The following NR1I2 variants were observed in gnomAD, a reference collection of about 807,000 sequenced individuals.
NR1I2 encodes orphan nuclear receptor PAR1.
In NR1I2, 42 loss-of-function variants were observed where a neutral mutation model predicts 43.3. That is an observed-to-expected ratio of 0.97 (90% CI 0.76 to 1.26). The LOEUF is 1.26. NR1I2 is among the 50% of genes most tolerant of loss of function. NR1I2 has a pLI of 0.00. For missense variants in NR1I2, 559 were observed against 566.7 expected (o/e 0.99, Z 0.14); for synonymous variants, 229 against 215.0 (o/e 1.06, Z -0.57).
intron 1 of NR1I2, among the ~76,000 whole-genome samples, chr3:119,799,907 G>A (rs1057462608): frequency 1.3e-5 from 2 of 152,122 alleles, no homozygotes; most frequent in Non-Finnish European, 2.9e-5. Context: ...TTGAACCTGG[G>A]AGGCAGAGGT....
chr3:119,798,634 C>A (rs72554017), intron 1 of NR1I2, among the ~76,000 whole-genome samples: 10,435 of 107,900 alleles, frequency 0.097, 869 homozygotes, highest in African/African-American at 0.25. Flanking sequence ...AGAGAGACTC[C>A]GTCTCAAAAA....
At chr3:119,815,691 C>T in intron 7 of NR1I2, 35 bp from the exon 8 acceptor site, 2 of 1,553,154 alleles carry the variant, frequency 1.3e-6, no homozygotes, top group South Asian at 1.1e-5. Context: ...TTGTCTTTGC[C>T]CCATGATCTT....
chr3:119,785,010 C>A (rs1317474757), intron 1 of NR1I2, among the ~76,000 whole-genome samples: 4 of 152,188 alleles, frequency 2.6e-5, no homozygotes, highest in Non-Finnish European at 5.9e-5. Flanking sequence ...ACAAACATAT[C>A]ATCTATATAT....
At chr3:119,800,708 T>C (rs1315371357) in intron 1 of NR1I2, among the ~76,000 whole-genome samples, 1 of 152,064 alleles carries the variant, frequency 6.6e-6, no homozygotes, top group Non-Finnish European at 1.5e-5. Flanking sequence ...GTGGTCAGAG[T>C]GGCAGTAAGG....
At chr3:119,803,455 T>A (rs569015132) in intron 1 of NR1I2, among the ~76,000 whole-genome samples, 2 of 152,052 alleles carry the variant, frequency 1.3e-5, no homozygotes, top group Admixed American at 6.5e-5. Context: ...GTGCCATAGA[T>A]GACAGGAAGC....
At chr3:119,795,147 G>A (rs2054979949) in intron 1 of NR1I2, among the ~76,000 whole-genome samples, 3 of 152,152 alleles carry the variant, frequency 2.0e-5, no homozygotes. Context: ...AGGCCAGTAA[G>A]GGAGCTGGGC....
chr3:119,797,169 A>G (rs989959320), intron 1 of NR1I2, among the ~76,000 whole-genome samples: 1 of 134,684 alleles, frequency 7.4e-6, no homozygotes, highest in African/African-American at 2.8e-5. Flanking sequence ...TAGCAAATGA[A>G]GTAACTGCAC....
At chr3:119,790,793 T>C (rs1272445330) in intron 1 of NR1I2, among the ~76,000 whole-genome samples, 1 of 152,224 alleles carries the variant, frequency 6.6e-6, no homozygotes, top group East Asian at 1.9e-4. Flanking sequence ...CATGTTTAAG[T>C]GTTCACATAA....
At chr3:119,791,769 G>A in intron 1 of NR1I2, 1 of 424,708 alleles carries the variant, frequency 2.4e-6, no homozygotes, top group Non-Finnish European at 4.5e-6. Context: ...ACAAAAATTA[G>A]ATGTGGAGTT....
At chr3:119,789,334 A>G (rs1343165822) in intron 1 of NR1I2, among the ~76,000 whole-genome samples, 1 of 50,728 alleles carries the variant, frequency 2.0e-5, no homozygotes, top group East Asian at 3.3e-4. Flanking sequence ...AATTACAAAG[A>G]AAAAAAGGTT....
chr3:119,799,692 A>G (rs2055050298), intron 1 of NR1I2, among the ~76,000 whole-genome samples: 1 of 152,236 alleles, frequency 6.6e-6, no homozygotes, highest in African/African-American at 2.4e-5. Context: ...TTTATAAGGA[A>G]AACTAGGCTG....
At position 119,815,755 on chromosome 3, in the gene NR1I2, G is replaced by A. The variant is rs1340484968; in HGVS notation, c.1084G>A (p.Val362Met). ...CCCAGGTGTGCTGCAGCACCGCGTG[G>A]TGGACCAGCTGCAGGAGCAATTCGC... The change falls in exon 8 of 9, where the codon GTG becomes ATG. Residue 362 changes from valine (V) to methionine (M), a missense_variant. Coordinates refer to ENST00000393716, the MANE Select transcript of NR1I2 (RefSeq NM_003889.4). 1.2e-6 allele frequency: 2 copies of A among 1,613,784 alleles called. No individual in the cohort carries two copies. The highest frequency in any genetic ancestry group is 1.7e-6 in the Non-Finnish European group (2 of 1,179,866).
chr3:119,806,086 T>C (rs908553673), intron 1 of NR1I2, among the ~76,000 whole-genome samples: 3 of 152,218 alleles, frequency 2.0e-5, no homozygotes, highest in Admixed American at 6.5e-5. Context: ...AAGTTTCGAT[T>C]TTGGCATTAG....
At position 119,815,250 on chromosome 3, in the gene NR1I2, A is replaced by G. The variant is rs142129698; in HGVS notation, c.938-73A>G. The G allele has an allele frequency of 5.8e-4, 903 of 1,569,280 alleles. 1 individual carries two copies. In the African/African-American group the frequency reaches 8.4e-3, roughly 15 times the overall value. On this transcript the variant is annotated intron_variant, in intron 6 of 8. Transcript: ENST00000393716. ...GGAAGATGGAATGGTGGAAAACAAG[A>G]TATTGGTGAGGGATGATTAGATCTT...
intron 1 of NR1I2, among the ~76,000 whole-genome samples, chr3:119,797,471 G>A (rs1327263102): frequency 2.6e-5 from 4 of 151,888 alleles, no homozygotes; most frequent in Non-Finnish European, 4.4e-5. Flanking sequence ...TTCAGCTATC[G>A]GACTCTTACT....
chr3:119,807,211 T>C lies in NR1I2; in HGVS notation c.-22-18T>C, dbSNP rs12721601. 777 of 1,606,648 alleles carry C rather than the reference T, an allele frequency of 4.8e-4. 5 individuals are homozygous for C. In the African/African-American group the frequency reaches 8.7e-3, roughly 18 times the overall value. On this transcript the variant is annotated intron_variant, in intron 1 of 8. Transcript: ENST00000393716. ...CCCTGTCCAGTCTTTTCATTCTCTG[T>C]GGTTTTCTCATTTCTAGTCCAAGAG...
chr3:119,811,777 A>C, intron 4 of NR1I2, 51 bp downstream of exon 4: 13 of 1,514,564 alleles, frequency 8.6e-6, no homozygotes, highest in Non-Finnish European at 1.2e-5. Context: ...CTTCATTCTC[A>C]CATAGAAACT....
Position 119,814,973 on chromosome 3 carries a change from T to C in NR1I2, c.795-6T>C. On this transcript the variant is annotated splice_polypyrimidine_tract_variant and splice_region_variant and intron_variant, in intron 5 of 8. Coordinates refer to ENST00000393716, the MANE Select transcript of NR1I2 (RefSeq NM_003889.4). Reference sequence around the variant, plus strand: ...GCTGTCCTCCCCTCCCCATCCTTGCTGCCAGGGACTTGCCCATCGAGGACC... The same window carrying C: ...GCTGTCCTCCCCTCCCCATCCTTGCCGCCAGGGACTTGCCCATCGAGGACC... 1 of 1,614,136 alleles carries C rather than the reference T, an allele frequency of 6.2e-7. No individual in the cohort carries two copies. Among genetic ancestry groups the C allele is most frequent in the Non-Finnish European group, 8.5e-7 (1 of 1,180,026 alleles).
rs2054874799 is a variant in NR1I2, at chr3:119,788,461, A to G, written c.-23+6161A>G. On this transcript the variant is annotated intron_variant, in intron 1 of 8. Coordinates refer to ENST00000393716, the MANE Select transcript of NR1I2 (RefSeq NM_003889.4). ...TTATTTATTTTCATTTGATTGAGACAAGGTGTCATTCTCTTGCCCAGGCTG... is the reference window on the plus strand; with the variant it reads ...TTATTTATTTTCATTTGATTGAGACGAGGTGTCATTCTCTTGCCCAGGCTG... Among the ~76,000 whole-genome samples, 4 of 151,406 alleles carry G rather than the reference A, an allele frequency of 2.6e-5. No homozygotes were observed. In the South Asian group the frequency reaches 8.4e-4, roughly 32 times the overall value.
Sources: allele counts gnomAD v4.1 joint callset (sites outside exome capture counted in the v4.1 genomes callset), GRCh38; gene constraint gnomAD v4.1.1; transcripts MANE v1.5; gene names NCBI Gene and HGNC (gene_info 2026-07-23, HGNC 2026-07-21).